The following VAV2 variants were observed in gnomAD, a reference collection of about 807,000 sequenced individuals.
VAV2 encodes vav guanine nucleotide exchange factor 2, also known as guanine nucleotide exchange factor VAV2.
Under a neutral mutation model 132.5 loss-of-function variants are expected in VAV2, and 67 were observed. The ratio of observed to expected loss-of-function variants is 0.51; its 90% confidence interval spans 0.42 to 0.62. VAV2 has a LOEUF of 0.62. VAV2 is among the 20% of genes least tolerant of loss of function. The pLI is 0.00. For synonymous variants in VAV2, 492 were observed against 443.5 expected (o/e 1.11, Z -1.37); for missense variants, 938 against 1,153.6 (o/e 0.81, Z 2.71).
chr9:133,909,087 G>A (rs1355343338), intron 2 of VAV2, among the ~76,000 whole-genome samples: 1 of 152,238 alleles, frequency 6.6e-6, no homozygotes, highest in African/African-American at 2.4e-5. Context: ...CCCAACTCCA[G>A]GCACCCCTAG....
chr9:133,871,470 ATG>A (rs1564423298), intron 2 of VAV2, among the ~76,000 whole-genome samples: 3,775 of 45,928 alleles, frequency 0.082, 95 homozygotes, highest in Middle Eastern at 0.27. Flanking sequence ...GGAGAAGCGG[ATG>A]GATGGATGGA....
At chr9:133,825,113 G>A (rs1428219793) in intron 4 of VAV2, among the ~76,000 whole-genome samples, 1 of 150,832 alleles carries the variant, frequency 6.6e-6, no homozygotes, top group Non-Finnish European at 1.5e-5. Context: ...TTGTGCAAAT[G>A]AGGCACCACG....
intron 4 of VAV2, among the ~76,000 whole-genome samples, chr9:133,825,590 G>A (rs976108354): frequency 1.3e-5 from 2 of 152,160 alleles, no homozygotes; most frequent in African/African-American, 2.4e-5. Context: ...TCCACAACGC[G>A]GACCTCCCAG....
intron 26 of VAV2, among the ~76,000 whole-genome samples, chr9:133,771,125 G>A (rs913875690): frequency 4.0e-5 from 6 of 148,434 alleles, no homozygotes; most frequent in African/African-American, 5.0e-5. Context: ...GTGCAAGGGC[G>A]CAATCTCGGC....
chr9:133,921,324 T>C (rs190684115), intron 2 of VAV2, among the ~76,000 whole-genome samples: 320 of 152,326 alleles, frequency 2.1e-3, no homozygotes, highest in Middle Eastern at 6.8e-3. Context: ...AGTGAATGAA[T>C]GGCTTCTTCT....
intron 4 of VAV2, among the ~76,000 whole-genome samples, chr9:133,821,836 GCCCCAGCCCAGCTCCCTCCA>G (rs1240346537): frequency 1.3e-5 from 2 of 152,168 alleles, no homozygotes; most frequent in Non-Finnish European, 2.9e-5. Flanking sequence ...CCAGACCTGG[GCCCCAGCCCAGCTCCCTCCA>G]CCCCAGGCCA....
intron 4 of VAV2, among the ~76,000 whole-genome samples, chr9:133,829,951 A>T (rs979454249): frequency 1.3e-5 from 2 of 152,158 alleles, no homozygotes; most frequent in African/African-American, 2.4e-5. Flanking sequence ...TCATCTTAAT[A>T]TGTTTCCAGC....
At position 133,809,020 on chromosome 9, in the gene VAV2, T is replaced by C. The variant is rs772087556; in HGVS notation, c.666+20A>G. On this transcript the variant is annotated intron_variant, in intron 7 of 29. Transcript: ENST00000371850. The stretch of plus-strand genomic sequence containing the variant: ...CACAGTGGCCGCTGCCATTTTCCAG[T>C]GGCCGCCATCTGCCCTCACCTTCTC... 45 of 1,609,050 alleles carry C rather than the reference T, an allele frequency of 2.8e-5. No individual in the cohort carries two copies. Among genetic ancestry groups the C allele is most frequent in the Non-Finnish European group, 3.4e-5 (40 of 1,176,248 alleles).
At chr9:133,805,894 C>T (rs566830047) in intron 9 of VAV2, among the ~76,000 whole-genome samples, 187 bp downstream of exon 9, 1 of 152,350 alleles carries the variant, frequency 6.6e-6, no homozygotes, top group South Asian at 2.1e-4. Context: ...AGGCTCCACA[C>T]CCTCTCCATC....
At chr9:133,910,418 G>A (rs58027791) in intron 2 of VAV2, among the ~76,000 whole-genome samples, 21,664 of 152,120 alleles carry the variant, frequency 0.14, 1,684 homozygotes, top group Middle Eastern at 0.22. Flanking sequence ...AGGGGGCACC[G>A]TGCGGTGGGC....
In VAV2 at chr9:133,810,108, TCA is replaced by T. The variant is rs949975339; in HGVS notation, c.567+81_567+82del. The T allele has an allele frequency of 5.6e-6, 9 of 1,596,998 alleles. No homozygotes were observed. In the African/African-American group the frequency reaches 1.1e-4, roughly 19 times the overall value. On this transcript the variant is annotated intron_variant, in intron 6 of 29. Coordinates refer to ENST00000371850, the MANE Select transcript of VAV2 (RefSeq NM_001134398.2). ...CCTGGGGGCAGGGTCCCGAGTTTTC[TCA>T]GAGAGGTCTGAGACCTCCCTGAAAG...
At chr9:133,819,864 A>C (rs1458830794) in intron 4 of VAV2, among the ~76,000 whole-genome samples, 1 of 152,262 alleles carries the variant, frequency 6.6e-6, no homozygotes, top group Non-Finnish European at 1.5e-5. Flanking sequence ...GAGAGGGAGA[A>C]ATAAAGGGAA....
rs559616438 is a variant in VAV2, at chr9:133,859,045, G to A, written c.380+2329C>T. On this transcript the variant is annotated intron_variant, in intron 3 of 29. Coordinates refer to ENST00000371850, the MANE Select transcript of VAV2 (RefSeq NM_001134398.2). ...GGAGGAGCGGCAGCGTGAAGCACCA[G>A]CAGCATCCTCTTGGGTTGGCTGGGT... Among the ~76,000 whole-genome samples the A allele has an allele frequency of 5.9e-5, 9 of 152,312 alleles. No homozygotes were observed. In the South Asian group the frequency reaches 1.9e-3, roughly 32 times the overall value.
chr9:133,978,493 T>C (rs73662357), intron 1 of VAV2, among the ~76,000 whole-genome samples: 1,641 of 152,368 alleles, frequency 0.011, 26 homozygotes, highest in African/African-American at 0.037. Context: ...CACGGAAAGA[T>C]ACCGCGTGTT....
chr9:133,860,581 G>C (rs1410789029), intron 3 of VAV2, among the ~76,000 whole-genome samples: 2 of 151,992 alleles, frequency 1.3e-5, no homozygotes, highest in Non-Finnish European at 2.9e-5. Flanking sequence ...CCAAAGTCAG[G>C]GCACCCTCAT....
chr9:133,908,671 G>A (rs1281343493), intron 2 of VAV2, among the ~76,000 whole-genome samples: 1 of 152,262 alleles, frequency 6.6e-6, no homozygotes, highest in Non-Finnish European at 1.5e-5. Flanking sequence ...GTGGAAGGCA[G>A]CAGGCTGTAG....
At chr9:133,822,064 G>A (rs1281985515) in intron 4 of VAV2, among the ~76,000 whole-genome samples, 1 of 152,140 alleles carries the variant, frequency 6.6e-6, no homozygotes, top group Non-Finnish European at 1.5e-5. Context: ...CCTTCTGCCC[G>A]AGACCCTGAG....
rs573520081 is a variant in VAV2 at position 133,935,637 on chromosome 9, C to T, written c.321+3466G>A. ...TCCCGGAGAAGCCAGGAGGCGCTGGCAGAGCAGAACCGTCAGGCTCCAGAC... is the reference window on the plus strand; with the variant it reads ...TCCCGGAGAAGCCAGGAGGCGCTGGTAGAGCAGAACCGTCAGGCTCCAGAC... On this transcript the variant is annotated intron_variant, in intron 2 of 29. Transcript: ENST00000371850. This position sits in a 1 kb window ranked among gnomAD's most constrained non-coding sequence, Gnocchi z 5.2. 2.2e-4 allele frequency among the ~76,000 whole-genome samples: 34 copies of T among 152,336 alleles called. No homozygotes were observed. Among genetic ancestry groups the T allele is most frequent in the African/African-American group, 7.9e-4 (33 of 41,578 alleles).
chr9:133,768,633 G>A lies in VAV2; in HGVS notation c.2435-37C>T, dbSNP rs766448136. On this transcript the variant is annotated intron_variant, in intron 28 of 29. Coordinates refer to ENST00000371850, the MANE Select transcript of VAV2 (RefSeq NM_001134398.2). The surrounding 1 kb of genome is among the most constrained non-coding windows in gnomAD (Gnocchi z 5.3). The stretch of plus-strand genomic sequence containing the variant: ...GATGGGCAGCATCACACAGCTGCAG[G>A]AGGAGCCCAACCAGTGATCCAGGAG... 43 of 1,600,582 alleles carry A rather than the reference G, an allele frequency of 2.7e-5. No homozygotes were observed. The highest frequency in any genetic ancestry group is 2.7e-4 in the South Asian group (24 of 89,450).
Sources: gnomAD v4.1 joint callset for allele counts (sites outside exome capture counted in the v4.1 genomes callset) on GRCh38, gnomAD v4.1.1 for gene constraint, Gnocchi (gnomAD v3.1) non-coding constraint, MANE v1.5 for transcripts, NCBI Gene and HGNC (gene_info 2026-07-23, HGNC 2026-07-21) for gene names.